CERK: variants seen among roughly 807,000 people sequenced by gnomAD.
CERK encodes ceramide kinase, also known as acylsphingosine kinase.
Under a neutral mutation model 63.4 loss-of-function variants are expected in CERK, and 39 were observed. That is an observed-to-expected ratio of 0.61 (90% CI 0.48 to 0.80). The LOEUF (loss-of-function observed/expected upper bound fraction) is 0.80. CERK is among the 30% of genes least tolerant of loss of function. CERK has a pLI of 0.00. For missense variants in CERK, 670 were observed against 714.1 expected, an observed-to-expected ratio of 0.94 and a Z score of 0.70; for synonymous variants, 302 against 280.0, an observed-to-expected ratio of 1.08 and a Z score of -0.78.
At chr22:46,713,972 C>T (rs1303092500) in intron 3 of CERK, among the ~76,000 whole-genome samples, 2 of 151,990 alleles carry the variant, frequency 1.3e-5, no homozygotes, top group Non-Finnish European at 2.9e-5. Context: ...TCTCGACAAA[C>T]GATCAAAAAA....
At chr22:46,694,537 T>A (rs2082746773) in intron 9 of CERK, among the ~76,000 whole-genome samples, 1 of 152,086 alleles carries the variant, frequency 6.6e-6, no homozygotes, top group South Asian at 2.1e-4. Context: ...GTGGGGCGCC[T>A]CTTTCCCTTT....
At chr22:46,704,162 C>T (rs2082802145) in intron 6 of CERK, among the ~76,000 whole-genome samples, 1 of 152,224 alleles carries the variant, frequency 6.6e-6, no homozygotes, top group African/African-American at 2.4e-5. Flanking sequence ...GCAGGGCACA[C>T]AGCGGTACCC....
intron 3 of CERK, among the ~76,000 whole-genome samples, chr22:46,716,473 G>A (rs2082867026): frequency 2.0e-5 from 3 of 149,030 alleles, no homozygotes; most frequent in Admixed American, 6.7e-5. Context: ...TTATAGGCGT[G>A]AGCCACCATG....
chr22:46,705,775 G>A (rs1211697531), intron 6 of CERK, among the ~76,000 whole-genome samples: 2 of 152,214 alleles, frequency 1.3e-5, no homozygotes, highest in Non-Finnish European at 2.9e-5. Context: ...GTGCACGCCT[G>A]TAATCCCAGC....
chr22:46,711,009 A>G, intron 5 of CERK, 77 bp downstream of exon 5: 1 of 1,156,726 alleles, frequency 8.6e-7, no homozygotes, highest in East Asian at 2.4e-5. Flanking sequence ...TAGGAAAAGG[A>G]GCTCTCAAAA....
At chr22:46,733,052 C>CA (rs1286598715) in intron 1 of CERK, among the ~76,000 whole-genome samples, 4 of 151,088 alleles carry the variant, frequency 2.6e-5, no homozygotes, top group African/African-American at 7.3e-5. Flanking sequence ...TCTAAAAATA[C>CA]AAAAAATTAG....
At chr22:46,694,725 C>T (rs1341288655) in intron 9 of CERK, among the ~76,000 whole-genome samples, 1 of 152,188 alleles carries the variant, frequency 6.6e-6, no homozygotes, top group East Asian at 1.9e-4. Context: ...ATGGGGCTAA[C>T]ATGGGTGAGG....
intron 10 of CERK, among the ~76,000 whole-genome samples, chr22:46,692,733 C>T (rs1408785135): frequency 6.6e-6 from 1 of 151,598 alleles, no homozygotes; most frequent in African/African-American, 2.4e-5. Context: ...GGTGAAACCC[C>T]ATCTTTACTA....
intron 1 of CERK, among the ~76,000 whole-genome samples, chr22:46,731,839 A>G (rs2082946913): frequency 6.6e-6 from 1 of 152,196 alleles, no homozygotes; most frequent in Non-Finnish European, 1.5e-5. Flanking sequence ...AGGGTGTCTA[A>G]ACATCAATGG....
In CERK at chr22:46,714,283, C is replaced by G. The variant is rs2082857134; in HGVS notation, c.380-1990G>C. ...AAGACTCCATGTCAAAATAAACAAA[C>G]AAACAAACAAATTAGCTGGGTGTGG... On this transcript the variant is annotated intron_variant, in intron 3 of 12. Coordinates refer to ENST00000216264, the MANE Select transcript of CERK (RefSeq NM_022766.6). This position sits in a 1 kb window ranked among gnomAD's most constrained non-coding sequence, Gnocchi z 4.4. Among the ~76,000 whole-genome samples the G allele has an allele frequency of 6.6e-6, 1 of 151,796 alleles. No homozygotes were observed. The highest frequency in any genetic ancestry group is 1.5e-5 in the Non-Finnish European group (1 of 67,960).
intron 1 of CERK, 63 bp from the exon 2 acceptor site, chr22:46,721,078 C>A: frequency 1.9e-6 from 2 of 1,028,822 alleles, no homozygotes; most frequent in South Asian, 1.3e-5. Context: ...TAAAATCAGT[C>A]CAACTCCAAG....
intron 8 of CERK, among the ~76,000 whole-genome samples, 172 bp from the exon 9 acceptor site, chr22:46,695,487 G>A (rs773332253): frequency 6.6e-6 from 1 of 152,256 alleles, no homozygotes; most frequent in Non-Finnish European, 1.5e-5. Flanking sequence ...CAGTGGCAGG[G>A]TCTCTGCCCT....
chr22:46,723,181 G>T (rs1448902043), intron 1 of CERK, among the ~76,000 whole-genome samples: 1 of 152,210 alleles, frequency 6.6e-6, no homozygotes, highest in Non-Finnish European at 1.5e-5. Context: ...AAAAGACAAA[G>T]ATGCCAGCAG....
chr22:46,734,559 T>G (rs1386753661), intron 1 of CERK, among the ~76,000 whole-genome samples: 2 of 152,190 alleles, frequency 1.3e-5, no homozygotes, highest in East Asian at 1.9e-4. Flanking sequence ...GCTGCTGCGA[T>G]CCGGGTGATG....
intron 3 of CERK, among the ~76,000 whole-genome samples, chr22:46,715,808 C>T (rs1051577391): frequency 1.3e-5 from 2 of 152,192 alleles, no homozygotes; most frequent in African/African-American, 2.4e-5. Context: ...AACAATAGAG[C>T]TTGGAGAATA....
intron 4 of CERK, 56 bp downstream of exon 4, chr22:46,712,112 C>G: frequency 6.3e-7 from 1 of 1,599,872 alleles, no homozygotes; most frequent in Non-Finnish European, 8.6e-7. Flanking sequence ...TCTCTAGTGA[C>G]TATACTTGAA....
chr22:46,701,612 C>T (rs367813334), intron 7 of CERK, 24 bp downstream of exon 7: 60 of 1,548,140 alleles, frequency 3.9e-5, no homozygotes, highest in Non-Finnish European at 4.7e-5. Context: ...TGCCACCGTG[C>T]GCATGCGCAG....
chr22:46,690,698 G>A (rs1319160568), intron 11 of CERK, among the ~76,000 whole-genome samples: 3 of 152,126 alleles, frequency 2.0e-5, no homozygotes, highest in Admixed American at 6.5e-5. Context: ...CAAAAGTTCC[G>A]CTTCCCCCAA....
Position 46,690,179 on chromosome 22 carries a change from C to G in CERK, c.1354G>C (p.Val452Leu). ...QDQFDFTFVE[V>L]YRVKKFQFTS... ...AACTGGAATTTCTTGACGCGATAAA[C>G]TTCAACAAAAGTGAAGTCAAACTAC... Residue 452 changes from valine (V) to leucine (L), a missense_variant, in exon 12 of 13, where the codon GTT becomes CTT. Val to Leu is a conservative substitution (Grantham distance 32). Coordinates refer to ENST00000216264, the MANE Select transcript of CERK (RefSeq NM_022766.6). 1.2e-6 allele frequency: 2 copies of G among 1,613,974 alleles called. No homozygotes were observed. Among genetic ancestry groups the G allele is most frequent in the Non-Finnish European group, 1.7e-6 (2 of 1,180,002 alleles).
Sources: allele counts gnomAD v4.1 joint callset (sites outside exome capture counted in the v4.1 genomes callset), GRCh38; gene constraint gnomAD v4.1.1; non-coding constraint Gnocchi (gnomAD v3.1); transcripts MANE v1.5; gene names NCBI Gene and HGNC (gene_info 2026-07-23, HGNC 2026-07-21).